The following TSPAN11 variants were observed in gnomAD, a reference collection of about 807,000 sequenced individuals.
TSPAN11 encodes the protein tetraspanin 11, also known as tetraspanin-11.
A neutral mutation model predicts 32.9 loss-of-function variants in TSPAN11; 29 were observed. The observed-to-expected ratio is 0.88, with a 90% CI of 0.66 to 1.20. The LOEUF (loss-of-function observed/expected upper bound fraction) is 1.20, where lower values mean the gene tolerates loss of function less well. Ranked by LOEUF, TSPAN11 falls within the 50% of genes most tolerant of loss-of-function variation. TSPAN11 has a pLI of 0.00. For synonymous variants in TSPAN11, 140 were observed against 141.3 expected, an observed-to-expected ratio of 0.99 and a Z score of 0.07; for missense variants, 283 against 329.1, an observed-to-expected ratio of 0.86 and a Z score of 1.08.
At chr12:30,949,114 G>A (rs554138263) in intron 1 of TSPAN11, among the ~76,000 whole-genome samples, 32 of 152,128 alleles carry the variant, frequency 2.1e-4, no homozygotes, top group Middle Eastern at 3.2e-3. Flanking sequence ...CCTCAGCCTG[G>A]ACCTTATTGT....
intron 2 of TSPAN11, among the ~76,000 whole-genome samples, chr12:30,960,063 G>T (rs570864746): frequency 7.0e-6 from 1 of 143,114 alleles, no homozygotes; most frequent in Admixed American, 7.5e-5. Context: ...GGGCAGAGGG[G>T]AATTGGCACA....
At chr12:30,929,929 T>C (rs984534103) in intron 1 of TSPAN11, among the ~76,000 whole-genome samples, 3 of 152,144 alleles carry the variant, frequency 2.0e-5, no homozygotes, top group South Asian at 2.1e-4. Context: ...TTACCACCCT[T>C]TTCTAAGCCC....
At chr12:30,998,834 G>C (rs1387610851), downstream of TSPAN11, 1 of 152,200 alleles carries the variant, frequency 6.6e-6, no homozygotes, top group Non-Finnish European at 1.5e-5. Flanking sequence ...CTACTTTAGA[G>C]AACCCTGAGT....
chr12:30,980,729 T>C (rs4931401), intron 5 of TSPAN11, among the ~76,000 whole-genome samples: 89,129 of 151,306 alleles, frequency 0.59, 27,414 homozygotes, highest in South Asian at 0.71. Context: ...TCGTCTCTTC[T>C]CTGAAATAGT....
At chr12:30,977,542 TC>T (rs1190880573) in intron 3 of TSPAN11, among the ~76,000 whole-genome samples, 3 of 152,104 alleles carry the variant, frequency 2.0e-5, no homozygotes, top group African/African-American at 7.2e-5. Context: ...GCTCCCCCTC[TC>T]TCCTCTCTTC....
intron 4 of TSPAN11, 115 bp downstream of exon 4, chr12:30,978,750 T>G: frequency 9.8e-7 from 1 of 1,022,342 alleles, no homozygotes; most frequent in Non-Finnish European, 1.5e-6. Context: ...GCGGTCCTGT[T>G]TCCCAGGCCC....
chr12:30,936,897 G>A (rs1341887660), intron 1 of TSPAN11, among the ~76,000 whole-genome samples: 1 of 152,196 alleles, frequency 6.6e-6, no homozygotes, highest in Non-Finnish European at 1.5e-5. Context: ...CCTCACCCTG[G>A]AAGGAATGCC....
intron 2 of TSPAN11, 29 bp downstream of exon 2, chr12:30,954,104 TC>T (rs748785794): frequency 6.4e-7 from 1 of 1,553,948 alleles, no homozygotes; most frequent in Non-Finnish European, 8.9e-7. Flanking sequence ...CACATCCTCT[TC>T]CCCGAGCACT....
chr12:30,931,109 T>C (rs11051165), intron 1 of TSPAN11, among the ~76,000 whole-genome samples: 35,220 of 152,106 alleles, frequency 0.23, 4,228 homozygotes, highest in Non-Finnish European at 0.28. Flanking sequence ...AACCCCCCAG[T>C]GGTTCTCAGC....
At chr12:31,015,270 C>T in the TSPAN11 span, among the ~76,000 whole-genome samples, 70 of 152,266 alleles carry the variant, frequency 4.6e-4, no homozygotes, top group African/African-American at 1.6e-3. The surrounding 1 kb of genome is among the most constrained non-coding windows in gnomAD (Gnocchi z 4.9). Flanking sequence ...GCACACACAC[C>T]GTACCCCTGT....
At chr12:30,966,040 G>T (rs540215726) in intron 3 of TSPAN11, among the ~76,000 whole-genome samples, 10 of 146,886 alleles carry the variant, frequency 6.8e-5, no homozygotes, top group African/African-American at 2.5e-4. Flanking sequence ...TTTTTTAGCT[G>T]ATCAGCTGTC....
chr12:30,937,663 C>T (rs1298830236), intron 1 of TSPAN11, among the ~76,000 whole-genome samples: 2 of 152,192 alleles, frequency 1.3e-5, no homozygotes, highest in Non-Finnish European at 2.9e-5. Context: ...TGTCTACCAT[C>T]CCCAAGGGCA....
At chr12:30,998,076 C>T (rs930215652), downstream of TSPAN11, among the ~76,000 whole-genome samples, 10 of 152,222 alleles carry the variant, frequency 6.6e-5, no homozygotes, top group Non-Finnish European at 5.9e-5. Flanking sequence ...TGCCTGCTCC[C>T]CTCCACCATC....
At chr12:31,004,982 C>A in the TSPAN11 span, among the ~76,000 whole-genome samples, 1 of 152,240 alleles carries the variant, frequency 6.6e-6, no homozygotes, top group African/African-American at 2.4e-5. Context: ...AGGCTCCTGT[C>A]TGCAGATGCC....
chr12:31,005,827 T>C, the TSPAN11 span: 3 of 199,512 alleles, frequency 1.5e-5, no homozygotes, highest in African/African-American at 7.0e-5. Context: ...GTGATGGTTA[T>C]GGAGAAGGCC....
At chr12:31,010,811 A>G in the TSPAN11 span, among the ~76,000 whole-genome samples, 3 of 152,044 alleles carry the variant, frequency 2.0e-5, no homozygotes, top group Non-Finnish European at 4.4e-5. Flanking sequence ...AATAAATAAA[A>G]TCAAAGTAGA....
At chr12:31,004,623 GA>G in the TSPAN11 span, among the ~76,000 whole-genome samples, 1 of 152,180 alleles carries the variant, frequency 6.6e-6, no homozygotes, top group Non-Finnish European at 1.5e-5. Flanking sequence ...AGCAAGGGGA[GA>G]AAGTGAGTAG....
chr12:30,951,527 T>G (rs1205857538), intron 1 of TSPAN11, among the ~76,000 whole-genome samples: 1 of 152,212 alleles, frequency 6.6e-6, no homozygotes, highest in African/African-American at 2.4e-5. Flanking sequence ...TGACTTTGGA[T>G]GAATTATTTA....
chr12:30,926,986 C>T (rs1937810092), intron 1 of TSPAN11, 190 bp downstream of exon 1: 1 of 1,282,858 alleles, frequency 7.8e-7, no homozygotes, highest in Non-Finnish European at 1.0e-6. Flanking sequence ...GCCTGGGACA[C>T]TCGCGGGGCA....
Sources: gnomAD v4.1 joint callset for allele counts (sites outside exome capture counted in the v4.1 genomes callset) on GRCh38, gnomAD v4.1.1 for gene constraint, Gnocchi (gnomAD v3.1) non-coding constraint, MANE v1.5 for transcripts, NCBI Gene and HGNC (gene_info 2026-07-23, HGNC 2026-07-21) for gene names.